The following FGF12 variants were observed in gnomAD, a reference collection of about 807,000 sequenced individuals.
FGF12 encodes fibroblast growth factor 12B.
FGF12 carries 14 observed loss-of-function variants against 23.6 expected under a neutral mutation model. That is an observed-to-expected ratio of 0.59 (90% CI 0.39 to 0.93). The LOEUF is 0.93. FGF12 is among the 40% of genes least tolerant of loss of function. The pLI is 0.00. For synonymous variants in FGF12, 62 were observed against 77.3 expected, an observed-to-expected ratio of 0.80 and a Z score of 1.04; for missense variants, 175 against 217.8, an observed-to-expected ratio of 0.80 and a Z score of 1.24.
chr3:192,394,582 A>AC, intron 2 of FGF12, among the ~76,000 whole-genome samples: 1 of 152,312 alleles, frequency 6.6e-6, no homozygotes, highest in African/African-American at 2.4e-5. Context: ...ATTGATAGTA[A>AC]CCCTTTCATG....
intron 2 of FGF12, among the ~76,000 whole-genome samples, chr3:192,435,745 A>G (rs1426509618): frequency 6.6e-6 from 1 of 152,180 alleles, no homozygotes; most frequent in Non-Finnish European, 1.5e-5. Context: ...CTAAATCAAA[A>G]TAAGCATTTC....
chr3:192,158,764 C>T (rs1242836188), intron 5 of FGF12, among the ~76,000 whole-genome samples: 1 of 140,698 alleles, frequency 7.1e-6, no homozygotes, highest in Admixed American at 7.5e-5. Context: ...AGACAATAAA[C>T]TGTCTGACTT....
chr3:192,425,556 T>C (rs995287337), intron 2 of FGF12, among the ~76,000 whole-genome samples: 67 of 152,336 alleles, frequency 4.4e-4, no homozygotes, highest in African/African-American at 1.6e-3. Flanking sequence ...TCATGATTAA[T>C]AAAATTAAAT....
chr3:192,599,224 C>T (rs368272403), intron 2 of FGF12, among the ~76,000 whole-genome samples: 53 of 145,966 alleles, frequency 3.6e-4, no homozygotes, highest in African/African-American at 1.4e-3. Flanking sequence ...CAAACTTGTA[C>T]ATTCTGCACA....
chr3:192,378,054 CTT>C (rs796819642), intron 2 of FGF12, among the ~76,000 whole-genome samples: 1 of 107,906 alleles, frequency 9.3e-6, no homozygotes, highest in Admixed American at 9.2e-5. Flanking sequence ...TTCTTTCTTT[CTT>C]TCTTTCTTTC....
At chr3:192,634,527 A>T (rs1715509847) in intron 2 of FGF12, among the ~76,000 whole-genome samples, 1 of 152,148 alleles carries the variant, frequency 6.6e-6, no homozygotes, top group South Asian at 2.1e-4. Context: ...GGATGTCCTC[A>T]TGGATACTGA....
intron 2 of FGF12, among the ~76,000 whole-genome samples, chr3:192,462,076 T>C (rs1433852791): frequency 2.0e-5 from 3 of 152,134 alleles, no homozygotes; most frequent in African/African-American, 7.2e-5. Flanking sequence ...TTGTTTCATT[T>C]TGAAATTTAA....
At chr3:192,645,767 TAA>T (rs55809400) in intron 2 of FGF12, among the ~76,000 whole-genome samples, 61 of 71,042 alleles carry the variant, frequency 8.6e-4, no homozygotes, top group Non-Finnish European at 1.4e-3. Flanking sequence ...ACAAAACAGG[TAA>T]AAAAAAAAAA....
intron 3 of FGF12, among the ~76,000 whole-genome samples, chr3:192,341,930 A>G (rs1354065260): frequency 6.6e-6 from 1 of 152,230 alleles, no homozygotes; most frequent in Non-Finnish European, 1.5e-5. Flanking sequence ...CAGCACTTGT[A>G]AAAACCTGAC....
intron 2 of FGF12, among the ~76,000 whole-genome samples, chr3:192,614,768 T>C (rs1714685738): frequency 6.6e-6 from 1 of 151,858 alleles, no homozygotes; most frequent in South Asian, 2.1e-4. Context: ...CTTTGAAAAG[T>C]GAGAGAGAGA....
chr3:192,349,095 T>C (rs1305503205), intron 3 of FGF12, among the ~76,000 whole-genome samples: 3 of 152,082 alleles, frequency 2.0e-5, no homozygotes, highest in African/African-American at 4.8e-5. Flanking sequence ...TCCATATGAG[T>C]ATACATTTAT....
In FGF12 at chr3:192,207,946, G is replaced by C. The variant is rs1717739613; in HGVS notation, c.229-37290C>G. Among the ~76,000 whole-genome samples the C allele has an allele frequency of 2.0e-5, 3 of 152,114 alleles. No individual in the cohort carries two copies. In the South Asian group the frequency reaches 6.2e-4, roughly 32 times the overall value. On this transcript the variant is annotated intron_variant, in intron 4 of 5. Transcript: ENST00000445105. Reference sequence around the variant, plus strand: ...GCTAAGCAGAGGAAAATCCTACTTAGGGCCAGATAAATTACAGGGTAATTA... The same window carrying C: ...GCTAAGCAGAGGAAAATCCTACTTACGGCCAGATAAATTACAGGGTAATTA...
At chr3:192,305,533 A>G (rs997575107) in intron 4 of FGF12, among the ~76,000 whole-genome samples, 1 of 151,896 alleles carries the variant, frequency 6.6e-6, no homozygotes, top group Non-Finnish European at 1.5e-5. Context: ...TCTCTTCCAG[A>G]CACACACCTC....
intron 2 of FGF12, among the ~76,000 whole-genome samples, chr3:192,461,592 A>C (rs1191702116): frequency 6.6e-6 from 1 of 152,170 alleles, no homozygotes; most frequent in Non-Finnish European, 1.5e-5. Context: ...TCATTCCTAC[A>C]AGCTATATAA....
At chr3:192,690,610 C>T (rs1008160703) in intron 2 of FGF12, among the ~76,000 whole-genome samples, 4 of 148,114 alleles carry the variant, frequency 2.7e-5, no homozygotes, top group African/African-American at 9.9e-5. Context: ...AAAAAATCAC[C>T]CAATCACAAA....
chr3:192,430,134 G>T (rs769568891), intron 2 of FGF12, among the ~76,000 whole-genome samples: 13 of 151,884 alleles, frequency 8.6e-5, no homozygotes, highest in Non-Finnish European at 1.6e-4. Context: ...AATGTCCATT[G>T]ATGGAAAAAT....
chr3:192,448,923 C>T (rs1167833298), intron 2 of FGF12, among the ~76,000 whole-genome samples: 1 of 152,164 alleles, frequency 6.6e-6, no homozygotes, highest in Non-Finnish European at 1.5e-5. Flanking sequence ...AGACTTGCTG[C>T]AGCAGAATCA....
chr3:192,490,699 T>C (rs1723776910), intron 2 of FGF12, among the ~76,000 whole-genome samples: 1 of 152,084 alleles, frequency 6.6e-6, no homozygotes, highest in African/African-American at 2.4e-5. Context: ...TTTATAGCAC[T>C]GAAAATGAAC....
intron 2 of FGF12, among the ~76,000 whole-genome samples, chr3:192,559,845 T>TAA (rs35953021): frequency 4.0e-5 from 6 of 151,874 alleles, no homozygotes; most frequent in East Asian, 1.9e-4. Flanking sequence ...GTTAATGAAT[T>TAA]AAAAAAATCA....
Sources: gnomAD v4.1 joint callset for allele counts (sites outside exome capture counted in the v4.1 genomes callset) on GRCh38, gnomAD v4.1.1 for gene constraint, MANE v1.5 for transcripts, NCBI Gene and HGNC (gene_info 2026-07-23, HGNC 2026-07-21) for gene names.